VPS16: variants seen among roughly 807,000 people sequenced by gnomAD.
VPS16 encodes the protein vacuolar protein sorting-associated protein 16 homolog.
A neutral mutation model predicts 116.0 loss-of-function variants in VPS16; 82 were observed. That is an observed-to-expected ratio of 0.71 (90% CI 0.59 to 0.85). The LOEUF (loss-of-function observed/expected upper bound fraction) is 0.85. VPS16 is among the 40% of genes least tolerant of loss of function. The pLI is 0.00. For synonymous variants in VPS16, 406 were observed against 420.7 expected (o/e 0.96, Z 0.43); for missense variants, 928 against 1,090.6 (o/e 0.85, Z 2.10).
intron 1 of VPS16, among the ~76,000 whole-genome samples, chr20:2,844,358 A>G (rs1288248280): frequency 6.6e-6 from 1 of 152,244 alleles, no homozygotes; most frequent in Admixed American, 6.5e-5. Context: ...TATTGGGAGT[A>G]GTATTCTGGA....
intron 1 of VPS16, among the ~76,000 whole-genome samples, chr20:2,858,721 CCCTACTCCAACTT>C (rs1484356620): frequency 1.3e-5 from 2 of 152,100 alleles, no homozygotes; most frequent in African/African-American, 2.4e-5. Context: ...ACCTCAAGCT[CCCTACTCCAACTT>C]CCCATGCAGC....
Position 2,865,823 on chromosome 20 carries a change from G to A in VPS16, c.2271+328G>A. 1 of 467,680 alleles carries A rather than the reference G, an allele frequency of 2.1e-6. No individual in the cohort carries two copies. Among genetic ancestry groups the A allele is most frequent in the Non-Finnish European group, 3.9e-6 (1 of 258,214 alleles). 29.0% of individuals were successfully genotyped at this position (467,680 alleles called of 1,614,324 possible). On this transcript the variant is annotated intron_variant, in intron 22 of 23. Transcript: ENST00000380445. The surrounding 1 kb of genome is among the most constrained non-coding windows in gnomAD (Gnocchi z 5.2). ...GGCACAGGGAGGGTGCATATGGGAG[G>A]CAGTGGAGATACTGAGGGCTGTTTT...
Position 2,862,039 on chromosome 20 carries a change from A to T in VPS16, c.995-15A>T. ...TCCCTGCCTTTCTCCCTCACTCACC[A>T]ACTCCCTTCCCCAGCGGCCAGCGAG... On this transcript the variant is annotated splice_polypyrimidine_tract_variant and intron_variant, in intron 10 of 23. Coordinates refer to ENST00000380445, the MANE Select transcript of VPS16 (RefSeq NM_022575.4). 6.2e-7 allele frequency: 1 copy of T among 1,612,200 alleles called. No homozygotes were observed. The highest frequency in any genetic ancestry group is 8.5e-7 in the Non-Finnish European group (1 of 1,179,178).
rs773439893 is a variant in VPS16 at position 2,864,929 on chromosome 20, C to G, written c.1927-49C>G. The G allele has an allele frequency of 1.2e-6, 2 of 1,610,360 alleles. No homozygotes were observed. The highest frequency in any genetic ancestry group is 1.3e-5 in the African/African-American group (1 of 74,790). On this transcript the variant is annotated intron_variant, in intron 19 of 23. Transcript: ENST00000380445. This position sits in a 1 kb window ranked among gnomAD's most constrained non-coding sequence, Gnocchi z 5.2. ...AAGACTGTAGCCTGGGTGAGGAGGG[C>G]GAGGGTCCTGCATGCTGTGAGTTCA...
Position 2,865,429 on chromosome 20 carries a change from A to C in VPS16, c.2205A>C (p.Ala735=). The change falls in exon 22 of 24, where the codon GCA becomes GCC. Residue 735 remains alanine (A), a synonymous_variant. Coordinates refer to ENST00000380445, the MANE Select transcript of VPS16 (RefSeq NM_022575.4). The surrounding 1 kb of genome is among the most constrained non-coding windows in gnomAD (Gnocchi z 5.2). ...RLWWLKLTAL[A]DLEDWEELEK... is the part of the protein sequence containing the mutation. ...GGTGGCTGAAGCTGACTGCCCTGGC[A>C]GATTTGGAAGATTGGGAAGAGCTAG... 1 of 1,614,204 alleles carries C rather than the reference A, an allele frequency of 6.2e-7. No individual in the cohort carries two copies. Among genetic ancestry groups the C allele is most frequent in the Non-Finnish European group, 8.5e-7 (1 of 1,180,030 alleles).
intron 1 of VPS16, among the ~76,000 whole-genome samples, chr20:2,858,420 A>G (rs2089196157): frequency 6.6e-6 from 1 of 152,124 alleles, no homozygotes. Flanking sequence ...TGGATTTTCT[A>G]AGTAGACAAT....
In VPS16 at chr20:2,864,873, C is replaced by T. The variant is rs564114929; in HGVS notation, c.1927-105C>T. The T allele has an allele frequency of 2.7e-6, 4 of 1,506,006 alleles. No individual in the cohort carries two copies. The African/African-American group carries it at 4.1e-5, about 16-fold the overall frequency. The allele number at this position is 1,506,006 out of a possible 1,614,324, so 93.3% of individuals were successfully genotyped here. A position where few individuals can be genotyped will look rare whatever the true frequency, so the allele number is the denominator to read the frequency against. On this transcript the variant is annotated intron_variant, in intron 19 of 23. Transcript: ENST00000380445. This position sits in a 1 kb window ranked among gnomAD's most constrained non-coding sequence, Gnocchi z 5.2. ...GGTGCACCTAGCAGGCAAGGCTGAC[C>T]CTGGCGACCCTGGGCACAGGGATGG...
Position 2,862,090 on chromosome 20 carries a change from C to G in VPS16, c.1031C>G (p.Ala344Gly). The change falls in exon 11 of 24, where the codon GCC (alanine) becomes GGC (glycine). Residue 344 changes from alanine to glycine, a missense_variant. Physicochemically the swap from Ala to Gly is moderately conservative, Grantham distance 60. Transcript: ENST00000380445. ...GAAATCTTCAAAATTGCCTCAATGG[C>G]CCCCGGGGCGCTGCTCCTGGAGGCT... is the stretch of plus-strand genomic sequence containing the variant. ...SEEIFKIASM[A>G]PGALLLEAQK... 1 of 1,613,762 alleles carries G rather than the reference C, an allele frequency of 6.2e-7. No individual in the cohort carries two copies.
intron 1 of VPS16, among the ~76,000 whole-genome samples, chr20:2,851,694 G>C (rs1260985142): frequency 1.3e-5 from 2 of 151,816 alleles, no homozygotes; most frequent in African/African-American, 2.4e-5. Flanking sequence ...CACAGGCTGG[G>C]CGAGGTGGCT....
At chr20:2,866,115 T>C in intron 22 of VPS16, 97 bp from the exon 23 acceptor site, 1 of 1,020,618 alleles carries the variant, frequency 9.8e-7, no homozygotes, top group African/African-American at 1.6e-5. Context: ...ATATAGAATA[T>C]ATATGGACGA....
At chr20:2,853,807 G>C (rs377355390) in intron 1 of VPS16, among the ~76,000 whole-genome samples, 38 of 152,020 alleles carry the variant, frequency 2.5e-4, no homozygotes, top group Middle Eastern at 6.8e-3. Flanking sequence ...TGATTAGCTG[G>C]GATTACAGGC....
intron 1 of VPS16, among the ~76,000 whole-genome samples, chr20:2,859,360 G>A (rs1361245246): frequency 9.9e-5 from 15 of 152,176 alleles, no homozygotes; most frequent in Admixed American, 9.8e-4. Flanking sequence ...CTCATTTCCT[G>A]CTAAAGCTGG....
intron 1 of VPS16, among the ~76,000 whole-genome samples, chr20:2,851,283 G>T (rs2089117926): frequency 6.6e-6 from 1 of 152,172 alleles, no homozygotes; most frequent in Non-Finnish European, 1.5e-5. Flanking sequence ...GAGTGCTGGT[G>T]CAGGCAGGAG....
chr20:2,842,112 A>G (rs964206870), intron 1 of VPS16, among the ~76,000 whole-genome samples: 2 of 152,148 alleles, frequency 1.3e-5, no homozygotes, highest in East Asian at 3.8e-4. Context: ...AGTGCTTGCT[A>G]TGTAATAATT....
At chr20:2,859,632 A>G in intron 1 of VPS16, 87 bp from the exon 2 acceptor site, 1 of 1,440,652 alleles carries the variant, frequency 6.9e-7, no homozygotes, top group Non-Finnish European at 9.7e-7. Context: ...GTGGAAGACA[A>G]ATGGAGGCTT....
In VPS16 at chr20:2,862,553, C is replaced by T. The variant is rs772439405; in HGVS notation, c.1072-26C>T. 2.5e-6 allele frequency: 4 copies of T among 1,606,654 alleles called. No homozygotes were observed. In the South Asian group the frequency reaches 4.4e-5, roughly 18 times the overall value. ...GTGGGAGTGTTCTCTGTCATGATGC[C>T]CTGGCTCTGGACTGCTCCCCACCAG... is the stretch of plus-strand genomic sequence containing the variant. On this transcript the variant is annotated intron_variant, in intron 11 of 23. Coordinates refer to ENST00000380445, the MANE Select transcript of VPS16 (RefSeq NM_022575.4).
Position 2,854,238 on chromosome 20 carries a change from T to TACACACAC in VPS16, c.54-5461_54-5454dup, listed in dbSNP as rs150363426. Among the ~76,000 whole-genome samples, 625 of 139,878 alleles carry TACACACAC rather than the reference T, an allele frequency of 4.5e-3. 5 individuals carry two copies. The highest frequency in any genetic ancestry group is 0.012 in the African/African-American group (438 of 35,276). The allele number at this position is 139,878 out of a possible 152,430, so 91.8% of individuals were successfully genotyped here. ...AGCCTGGCAACAGAGACCCCGTCTCTACACACACACACACACACACACACA... is the reference window on the plus strand; with the variant it reads ...AGCCTGGCAACAGAGACCCCGTCTCTACACACACACACACACACACACACACACACACA... On this transcript the variant is annotated intron_variant, in intron 1 of 23. Transcript: ENST00000380445.
chr20:2,864,590 A>G lies in VPS16; in HGVS notation c.1862A>G (p.Asn621Ser), dbSNP rs2089295075. ...CTAGAGACGCTGAAGGACCTTTACA[A>G]TCAGGATGACAATCACCAGGAATTG... ...QELETLKDLYNQDDNHQELGS... is the reference protein window; with the variant it reads ...QELETLKDLYSQDDNHQELGS... The change falls in exon 19 of 24, where the codon AAT (asparagine) becomes AGT (serine). Residue 621 changes from asparagine (N) to serine (S), a missense_variant. By Grantham distance (46) the Asn-to-Ser change is conservative. Coordinates refer to ENST00000380445, the MANE Select transcript of VPS16 (RefSeq NM_022575.4). This position sits in a 1 kb window ranked among gnomAD's most constrained non-coding sequence, Gnocchi z 5.2. 1 of 1,614,056 alleles carries G rather than the reference A, an allele frequency of 6.2e-7. No homozygotes were observed. Among genetic ancestry groups the G allele is most frequent in the Non-Finnish European group, 8.5e-7 (1 of 1,180,018 alleles).
rs1231240001 is a variant in VPS16 at position 2,860,112 on chromosome 20, T to C, written c.201T>C (p.Asp67=). The C allele has an allele frequency of 1.2e-6, 2 of 1,614,062 alleles. No individual in the cohort carries two copies. The highest frequency in any genetic ancestry group is 1.3e-5 in the African/African-American group (1 of 75,030). The change falls in exon 3 of 24, where the codon GAT becomes GAC. Residue 67 remains aspartate, a synonymous_variant. Transcript: ENST00000380445. The surrounding 1 kb of genome is among the most constrained non-coding windows in gnomAD (Gnocchi z 6.1). ...EKAASVRPVL[D]IYSASGMPLA... ...CTGCTAGTGTGAGGCCAGTGCTCGATATATACTCTGCTTCCGGCATGCCTC... is the reference window on the plus strand; with the variant it reads ...CTGCTAGTGTGAGGCCAGTGCTCGACATATACTCTGCTTCCGGCATGCCTC...
Sources: gnomAD v4.1 joint callset for allele counts (sites outside exome capture counted in the v4.1 genomes callset) on GRCh38, gnomAD v4.1.1 for gene constraint, Gnocchi (gnomAD v3.1) non-coding constraint, MANE v1.5 for transcripts, NCBI Gene and HGNC (gene_info 2026-07-23, HGNC 2026-07-21) for gene names.